KCNAB1: variants seen among roughly 807,000 people sequenced by gnomAD.
KCNAB1 encodes the protein voltage-gated potassium channel subunit beta-1.
KCNAB1 carries 35 observed loss-of-function variants against 64.6 expected under a neutral mutation model. The ratio of observed to expected loss-of-function variants is 0.54; its 90% confidence interval spans 0.41 to 0.72. The LOEUF (loss-of-function observed/expected upper bound fraction) is 0.72, where lower values mean the gene tolerates loss of function less well. Ranked by LOEUF, KCNAB1 falls within the 30% of genes least tolerant of loss-of-function variation. The pLI, the probability that KCNAB1 is intolerant of heterozygous loss-of-function variation, is 0.00. For missense variants in KCNAB1, 401 were observed against 512.9 expected, an observed-to-expected ratio of 0.78 and a Z score of 2.11; for synonymous variants, 177 against 183.8, an observed-to-expected ratio of 0.96 and a Z score of 0.30.
intron 1 of KCNAB1, among the ~76,000 whole-genome samples, chr3:156,402,974 A>G (rs780311449): frequency 6.6e-6 from 1 of 152,178 alleles, no homozygotes; most frequent in African/African-American, 2.4e-5. Flanking sequence ...TTTGTTGAGG[A>G]TTTACCTGCC....
chr3:156,486,065 A>G (rs769997519), intron 8 of KCNAB1, among the ~76,000 whole-genome samples: 3 of 152,042 alleles, frequency 2.0e-5, no homozygotes, highest in Non-Finnish European at 4.4e-5. Flanking sequence ...CTCCCCTGTG[A>G]CAGTACCTCT....
chr3:156,417,207 C>T (rs1715137052), intron 1 of KCNAB1, among the ~76,000 whole-genome samples: 1 of 152,022 alleles, frequency 6.6e-6, no homozygotes, highest in South Asian at 2.1e-4. Flanking sequence ...ATTAAATGTG[C>T]ATTTCTTAAA....
At chr3:156,437,619 T>A (rs539697036) in intron 2 of KCNAB1, among the ~76,000 whole-genome samples, 1 of 152,206 alleles carries the variant, frequency 6.6e-6, no homozygotes, top group Non-Finnish European at 1.5e-5. Context: ...TGATATTATT[T>A]TTTTTTATTT....
At position 156,128,150 on chromosome 3, in the gene KCNAB1, C is replaced by T. The variant is rs143783514; in HGVS notation, c.275+7264C>T. 5.6e-3 allele frequency among the ~76,000 whole-genome samples: 849 copies of T among 152,262 alleles called. 8 individuals are homozygous for T. The highest frequency in any genetic ancestry group is 0.019 in the African/African-American group (797 of 41,542). ...GGGGCCAGGAGACATGATTCAAATC[C>T]CATTTTGCAGTATGGTCATAAGTAA... On this transcript the variant is annotated intron_variant, in intron 1 of 13. Coordinates refer to ENST00000490337, the MANE Select transcript of KCNAB1 (RefSeq NM_172160.3).
intron 1 of KCNAB1, among the ~76,000 whole-genome samples, chr3:156,174,210 C>G (rs75522447): frequency 2.6e-5 from 4 of 152,200 alleles, no homozygotes; most frequent in Non-Finnish European, 5.9e-5. Flanking sequence ...GGCTAGCCTT[C>G]TTATCTCCAG....
intron 1 of KCNAB1, among the ~76,000 whole-genome samples, chr3:156,151,417 A>T (rs1219621676): frequency 6.6e-6 from 1 of 152,196 alleles, no homozygotes; most frequent in Non-Finnish European, 1.5e-5. Flanking sequence ...ATCCCTAATG[A>T]TGGGAGTACA....
rs200388168 is a variant in KCNAB1 at position 156,147,960 on chromosome 3, C to CACACACACAT, written c.275+27074_275+27075insACACACACAT. Among the ~76,000 whole-genome samples, 19 of 113,576 alleles carry CACACACACAT rather than the reference C, an allele frequency of 1.7e-4. No homozygotes were observed. In the South Asian group the frequency reaches 5.3e-3, roughly 32 times the overall value. The allele number at this position is 113,576 out of a possible 152,430, so 74.5% of individuals were successfully genotyped here. A position where few individuals can be genotyped will look rare whatever the true frequency, so the allele number is the denominator to read the frequency against. The stretch of plus-strand genomic sequence containing the variant: ...GCCAAGACACACACACACACACACA[C>CACACACACAT]GCACGCACACGCACACACAAACACA... On this transcript the variant is annotated intron_variant, in intron 1 of 13. Coordinates refer to ENST00000490337, the MANE Select transcript of KCNAB1 (RefSeq NM_172160.3).
At chr3:156,144,869 A>G (rs1354523693) in intron 1 of KCNAB1, among the ~76,000 whole-genome samples, 1 of 152,206 alleles carries the variant, frequency 6.6e-6, no homozygotes, top group Non-Finnish European at 1.5e-5. Flanking sequence ...TCAATTACAG[A>G]TCTGTGCTGT....
chr3:156,399,889 CA>C (rs1713760841), intron 1 of KCNAB1, among the ~76,000 whole-genome samples: 1 of 152,192 alleles, frequency 6.6e-6, no homozygotes, highest in African/African-American at 2.4e-5. Flanking sequence ...CCTTCTCCAC[CA>C]TAACTCTTCC....
chr3:156,299,181 G>C (rs944649267), intron 1 of KCNAB1, among the ~76,000 whole-genome samples: 1 of 152,228 alleles, frequency 6.6e-6, no homozygotes, highest in African/African-American at 2.4e-5. Flanking sequence ...GCAGCTTCTT[G>C]GGTAGGCCCC....
At chr3:156,324,025 T>G (rs1722827508) in intron 1 of KCNAB1, among the ~76,000 whole-genome samples, 1 of 152,174 alleles carries the variant, frequency 6.6e-6, no homozygotes, top group Admixed American at 6.5e-5. Flanking sequence ...ATAGAACAAT[T>G]ATCAAAAACC....
intron 1 of KCNAB1, among the ~76,000 whole-genome samples, chr3:156,346,201 T>C (rs1230271737): frequency 6.6e-6 from 1 of 152,012 alleles, no homozygotes; most frequent in Non-Finnish European, 1.5e-5. Context: ...AAAAAATCTC[T>C]TCTTGCAGAC....
Position 156,463,688 on chromosome 3 carries a change from T to G in KCNAB1, c.483-14T>G, listed in dbSNP as rs766430314. 1.9e-5 allele frequency: 30 copies of G among 1,591,818 alleles called. No individual in the cohort carries two copies. The highest frequency in any genetic ancestry group is 2.5e-5 in the Non-Finnish European group (29 of 1,168,344). ...TATTTACTACTTCTCTGTGTTTGTC[T>G]TTTTGATATACAGGAGGTCCAGTCT... On this transcript the variant is annotated splice_polypyrimidine_tract_variant and intron_variant, in intron 5 of 13. Transcript: ENST00000490337.
At chr3:156,403,282 C>T (rs570661322) in intron 1 of KCNAB1, among the ~76,000 whole-genome samples, 9 of 152,242 alleles carry the variant, frequency 5.9e-5, no homozygotes, top group Admixed American at 3.9e-4. Flanking sequence ...TCAAGCCATG[C>T]TAATGGGGAG....
chr3:156,395,544 CAAAAAAAAAAAAAAAAAAAAAAA>C (rs61017269), intron 1 of KCNAB1, among the ~76,000 whole-genome samples: 4,903 of 25,486 alleles, frequency 0.19, 449 homozygotes, highest in African/African-American at 0.35. Context: ...GACTCCGTCT[CAAAAAAAAAAAAAAAAAAAAAAA>C]AAAAAAAAAA....
Position 156,176,546 on chromosome 3 carries a change from C to T in KCNAB1, c.275+55660C>T, listed in dbSNP as rs959102100. 7 of 809,818 alleles carry T rather than the reference C, an allele frequency of 8.6e-6. No individual in the cohort carries two copies. In the African/African-American group the frequency reaches 1.2e-4, roughly 14 times the overall value. The allele number at this position is 809,818 out of a possible 1,614,324, so 50.2% of individuals were successfully genotyped here. On this transcript the variant is annotated intron_variant, in intron 1 of 13. Coordinates refer to ENST00000490337, the MANE Select transcript of KCNAB1 (RefSeq NM_172160.3). ...TGTGGATGCTGGGAAGAGCATACTG[C>T]CATCTGTGTTGTAATGCAGTTCCAT...
At chr3:156,518,343 A>G (rs769078102) in intron 11 of KCNAB1, among the ~76,000 whole-genome samples, 1 of 152,160 alleles carries the variant, frequency 6.6e-6, no homozygotes, top group Non-Finnish European at 1.5e-5. Context: ...TCGGAGTAAT[A>G]TATGTGCACT....
chr3:156,287,024 G>A (rs1357872196), intron 1 of KCNAB1, among the ~76,000 whole-genome samples: 1 of 152,200 alleles, frequency 6.6e-6, no homozygotes, highest in African/African-American at 2.4e-5. Context: ...GGCTTAGGGA[G>A]GTTAAGCATC....
chr3:156,387,041 A>G (rs1456251258), intron 1 of KCNAB1, among the ~76,000 whole-genome samples: 1 of 60,150 alleles, frequency 1.7e-5, no homozygotes, highest in African/African-American at 1.1e-4. Flanking sequence ...TTTTGCCTGT[A>G]TGCTACTCTA....
Sources: gnomAD v4.1 joint callset for allele counts (sites outside exome capture counted in the v4.1 genomes callset) on GRCh38, gnomAD v4.1.1 for gene constraint, MANE v1.5 for transcripts, NCBI Gene and HGNC (gene_info 2026-07-23, HGNC 2026-07-21) for gene names.